The following EFL1 variants were observed in gnomAD, a reference collection of about 807,000 sequenced individuals.
The protein encoded by EFL1 is elongation factor like GTPase 1.
EFL1 carries 76 observed loss-of-function variants against 126.7 expected under a neutral mutation model. The observed-to-expected ratio is 0.60, with a 90% confidence interval of 0.50 to 0.73. EFL1 has a LOEUF of 0.73. EFL1 is among the 30% of genes least tolerant of loss of function. The probability of loss-of-function intolerance (pLI) is 0.00; values close to 1 mark genes in which losing one functional copy is unlikely to be tolerated. For missense variants in EFL1, 1,128 were observed against 1,343.2 expected (o/e 0.84, Z 2.50); for synonymous variants, 410 against 448.4 (o/e 0.91, Z 1.08).
chr15:82,133,791 C>G (rs2073686876), intron 19 of EFL1, among the ~76,000 whole-genome samples: 1 of 152,066 alleles, frequency 6.6e-6, no homozygotes, highest in African/African-American at 2.4e-5. Flanking sequence ...GGTGGGAGGA[C>G]AGGGTGAGAG....
At chr15:82,183,550 C>T (rs1488572190) in intron 15 of EFL1, among the ~76,000 whole-genome samples, 2 of 152,164 alleles carry the variant, frequency 1.3e-5, no homozygotes, top group Admixed American at 1.3e-4. Flanking sequence ...CAGGGGCCAG[C>T]TGAGAACAGG....
chr15:82,157,732 G>C lies in EFL1; in HGVS notation c.2011C>G (p.Leu671Val). The C allele has an allele frequency of 6.2e-7, 1 of 1,612,670 alleles. No individual in the cohort carries two copies. Reference sequence around the variant, plus strand: ...CCTAACCTTTCTTTTAAGTCATCCAGGCATCGCTGAAGGTGGACTTCTCCT... The same window carrying C: ...CCTAACCTTTCTTTTAAGTCATCCACGCATCGCTGAAGGTGGACTTCTCCT... ...TAGEVHLQRC[L>V]DDLKERFAKI... Residue 671 changes from leucine (L) to valine (V), a missense_variant, in exon 17 of 20, where the codon CTG becomes GTG. This residue lies in a region of EFL1 where 561 missense variants were observed against 641.7 expected (regional missense o/e 0.87). Coordinates refer to ENST00000268206, the MANE Select transcript of EFL1 (RefSeq NM_024580.6).
intron 14 of EFL1, among the ~76,000 whole-genome samples, chr15:82,217,047 A>C (rs1411141165): frequency 6.6e-6 from 1 of 152,118 alleles, no homozygotes; most frequent in African/African-American, 2.4e-5. Context: ...TTCACACGAG[A>C]ACACAAGATT....
chr15:82,234,315 G>T (rs117160869), intron 7 of EFL1, among the ~76,000 whole-genome samples: 2,288 of 152,234 alleles, frequency 0.015, 25 homozygotes, highest in East Asian at 0.024. Context: ...TGAATCTAAA[G>T]AAAGTCTTGA....
At chr15:82,196,762 G>A (rs183924875) in intron 15 of EFL1, among the ~76,000 whole-genome samples, 9 of 152,288 alleles carry the variant, frequency 5.9e-5, no homozygotes, top group Admixed American at 2.0e-4. Flanking sequence ...GGCCGGGAGC[G>A]GTGGCTCTCG....
intron 15 of EFL1, among the ~76,000 whole-genome samples, chr15:82,171,938 C>T (rs1042198732): frequency 1.6e-4 from 24 of 151,450 alleles, no homozygotes; most frequent in African/African-American, 5.6e-4. Flanking sequence ...CTTTCAATGT[C>T]GAAAGGGGAC....
intron 12 of EFL1, among the ~76,000 whole-genome samples, chr15:82,223,898 C>T (rs928627438): frequency 1.3e-5 from 2 of 152,196 alleles, no homozygotes. Flanking sequence ...CATTTACTCA[C>T]CCATCTATTC....
rs2074690326 is a variant in EFL1 at position 82,219,805 on chromosome 15, C to A, written c.1458G>T (p.Gln486His). ...KGEEPRGDEQ[Q>H]VESMTPKPVL... ...CAGGTTTAGGGGTCATACTTTCCAC[C>A]TGTTGCTCGTCACCTGACAGAAACA... Residue 486 changes from glutamine (Q) to histidine (H), a missense_variant, in exon 14 of 20, where the codon CAG becomes CAT. Physicochemically the swap from Gln to His is conservative, Grantham distance 24. Around this residue, in one of 6 missense-constraint regions of EFL1, gnomAD observed 120 missense variants for 142.1 expected, o/e 0.84. Coordinates refer to ENST00000268206, the MANE Select transcript of EFL1 (RefSeq NM_024580.6). The A allele has an allele frequency of 8.7e-6, 14 of 1,604,844 alleles. No homozygotes were observed. Among genetic ancestry groups the A allele is most frequent in the Non-Finnish European group, 1.1e-5 (13 of 1,177,792 alleles).
chr15:82,182,475 T>C (rs941583592), intron 15 of EFL1, among the ~76,000 whole-genome samples: 1 of 152,160 alleles, frequency 6.6e-6, no homozygotes, highest in East Asian at 1.9e-4. Flanking sequence ...ATCTGAAGTA[T>C]TATTCTGTTA....
At chr15:82,166,360 T>C (rs1468044386) in intron 15 of EFL1, among the ~76,000 whole-genome samples, 2 of 152,230 alleles carry the variant, frequency 1.3e-5, no homozygotes, top group African/African-American at 4.8e-5. Flanking sequence ...ATGATTATAA[T>C]TCTCCCAGAA....
At chr15:82,133,417 C>T (rs540822190) in intron 19 of EFL1, among the ~76,000 whole-genome samples, 2 of 152,274 alleles carry the variant, frequency 1.3e-5, no homozygotes, top group Non-Finnish European at 2.9e-5. Context: ...CAAAGCCTGC[C>T]CTTTGCCATG....
chr15:82,154,124 C>T (rs2073942506), intron 17 of EFL1, among the ~76,000 whole-genome samples: 1 of 152,150 alleles, frequency 6.6e-6, no homozygotes, highest in Non-Finnish European at 1.5e-5. Flanking sequence ...TTAATTAAAA[C>T]CACTCCAAGC....
chr15:82,201,468 A>G (rs2074467041), intron 15 of EFL1, among the ~76,000 whole-genome samples: 1 of 152,232 alleles, frequency 6.6e-6, no homozygotes, highest in Non-Finnish European at 1.5e-5. Flanking sequence ...ATTGTGTTCC[A>G]GGGAAGAATC....
At chr15:82,160,559 T>G (rs914517976) in intron 16 of EFL1, among the ~76,000 whole-genome samples, 12 of 152,266 alleles carry the variant, frequency 7.9e-5, no homozygotes, top group African/African-American at 2.9e-4. Flanking sequence ...ATTTTCATCT[T>G]AATTTTTAAA....
chr15:82,191,278 G>A (rs1426869879), intron 15 of EFL1, among the ~76,000 whole-genome samples: 6 of 152,054 alleles, frequency 3.9e-5, no homozygotes, highest in Admixed American at 1.3e-4. Flanking sequence ...TACTTCAAGC[G>A]TAAAGTTTTC....
intron 5 of EFL1, 95 bp from the exon 6 acceptor site, chr15:82,240,650 A>C: frequency 7.1e-7 from 1 of 1,411,456 alleles, no homozygotes; most frequent in Non-Finnish European, 9.7e-7. Flanking sequence ...AGACTATGCC[A>C]GTCAGACAAA....
intron 17 of EFL1, among the ~76,000 whole-genome samples, chr15:82,155,071 A>C (rs1442129354): frequency 1.3e-5 from 2 of 152,116 alleles, no homozygotes; most frequent in Non-Finnish European, 2.9e-5. Context: ...TGTGAGATTC[A>C]CCTATGTTTT....
At chr15:82,137,407 C>T (rs980062303) in intron 19 of EFL1, among the ~76,000 whole-genome samples, 2 of 152,140 alleles carry the variant, frequency 1.3e-5, no homozygotes, top group African/African-American at 4.8e-5. Flanking sequence ...AAGCCCTGTG[C>T]AATGAATGCC....
At chr15:82,138,046 G>T (rs2073740764) in intron 19 of EFL1, among the ~76,000 whole-genome samples, 1 of 152,006 alleles carries the variant, frequency 6.6e-6, no homozygotes, top group Non-Finnish European at 1.5e-5. Flanking sequence ...TTTCCTTTCT[G>T]ATTACAGATA....
Sources: allele counts gnomAD v4.1 joint callset (sites outside exome capture counted in the v4.1 genomes callset), GRCh38; gene constraint gnomAD v4.1.1; regional missense constraint gnomAD v4.1.1; transcripts MANE v1.5; gene names NCBI Gene and HGNC (gene_info 2026-07-23, HGNC 2026-07-21).